RBFOX1: variants seen among roughly 807,000 people sequenced by gnomAD.
The protein encoded by RBFOX1 is RNA binding protein fox-1 homolog 1.
In RBFOX1, 8 loss-of-function variants were observed where a neutral mutation model predicts 57.7. That is an observed-to-expected ratio of 0.14 (90% CI 0.08 to 0.25). The LOEUF is 0.25. Among genes scored for constraint, RBFOX1 ranks in the 10% least tolerant of loss-of-function variants. The pLI is 1.00. For missense variants in RBFOX1, 611 were observed against 548.5 expected, an observed-to-expected ratio of 1.11 and a Z score of -1.14; for synonymous variants, 326 against 222.4, an observed-to-expected ratio of 1.47 and a Z score of -4.15.
chr16:5,288,617 G>A (rs2063457078), intron 1 of RBFOX1, among the ~76,000 whole-genome samples: 1 of 99,468 alleles, frequency 1.0e-5, no homozygotes, highest in Admixed American at 1.4e-4. Context: ...CCCACATCTT[G>A]TTTCCTTTCC....
At chr16:5,978,364 G>A (rs955613277) in intron 4 of RBFOX1, among the ~76,000 whole-genome samples, 9 of 151,952 alleles carry the variant, frequency 5.9e-5, no homozygotes, top group African/African-American at 2.2e-4. Flanking sequence ...TTTGTATTTG[G>A]GGATAATTTT....
chr16:5,416,523 AT>A (rs1468749735), intron 1 of RBFOX1, among the ~76,000 whole-genome samples: 1 of 152,196 alleles, frequency 6.6e-6, no homozygotes, highest in Non-Finnish European at 1.5e-5. Context: ...TACCTCCTTC[AT>A]TTTAAAAATG....
At chr16:6,326,478 A>G (rs2082384795) in intron 2 of RBFOX1, among the ~76,000 whole-genome samples, 2 of 152,102 alleles carry the variant, frequency 1.3e-5, no homozygotes, top group Non-Finnish European at 2.9e-5. Context: ...AGATACAAGT[A>G]CTTTCTTCTC....
At chr16:5,504,589 G>A (rs1337122547) in intron 2 of RBFOX1, among the ~76,000 whole-genome samples, 4 of 152,214 alleles carry the variant, frequency 2.6e-5, no homozygotes, top group Non-Finnish European at 5.9e-5. Flanking sequence ...TATCATCAAA[G>A]GGGAGGGCCC....
chr16:5,551,722 A>G (rs114782262), intron 2 of RBFOX1, among the ~76,000 whole-genome samples: 2,103 of 152,142 alleles, frequency 0.014, 65 homozygotes, highest in African/African-American at 0.048. Context: ...TGCCGCACCT[A>G]TGAGCCTATC....
At chr16:5,377,258 G>GT (rs2066009871) in intron 1 of RBFOX1, among the ~76,000 whole-genome samples, 2 of 151,558 alleles carry the variant, frequency 1.3e-5, no homozygotes, top group Non-Finnish European at 2.9e-5. Flanking sequence ...GCTACGAGGA[G>GT]TAGGGTAAGT....
In RBFOX1 at chr16:7,705,822, A is replaced by G. The variant is rs374801663; in HGVS notation, c.996-3234A>G. On this transcript the variant is annotated intron_variant, in intron 14 of 15. Coordinates refer to ENST00000550418, the MANE Select transcript of RBFOX1 (RefSeq NM_018723.4). ...ACTAGTGGCATATATTAGTGTAGTC[A>G]TCATGTGCATGGAGTAAAGTGGACA... Among the ~76,000 whole-genome samples, 111 of 152,266 alleles carry G rather than the reference A, an allele frequency of 7.3e-4. 1 individual carries two copies. The highest frequency in any genetic ancestry group is 3.4e-3 in the Middle Eastern group (1 of 294).
At chr16:5,724,133 G>T (rs1372175770) in intron 3 of RBFOX1, among the ~76,000 whole-genome samples, 1 of 152,198 alleles carries the variant, frequency 6.6e-6, no homozygotes, top group Admixed American at 6.5e-5. Context: ...CTGGAACTGT[G>T]CTCCTAGGTT....
At chr16:5,803,531 G>A (rs1318110791) in intron 3 of RBFOX1, among the ~76,000 whole-genome samples, 2 of 152,156 alleles carry the variant, frequency 1.3e-5, no homozygotes, top group Non-Finnish European at 2.9e-5. Flanking sequence ...GTATTAAAAT[G>A]AAATCATGAC....
intron 2 of RBFOX1, among the ~76,000 whole-genome samples, chr16:5,494,816 A>G (rs1238930765): frequency 1.3e-5 from 2 of 152,224 alleles, no homozygotes; most frequent in Non-Finnish European, 2.9e-5. Flanking sequence ...ACCCTCAGAG[A>G]TGAAAATGAT....
chr16:6,283,688 T>C (rs2076621493), intron 1 of RBFOX1, among the ~76,000 whole-genome samples: 1 of 152,216 alleles, frequency 6.6e-6, no homozygotes, highest in Non-Finnish European at 1.5e-5. Flanking sequence ...AGTTTCACGT[T>C]GGCACCCAGA....
chr16:7,370,657 G>A (rs772255973), intron 4 of RBFOX1, among the ~76,000 whole-genome samples: 2 of 152,152 alleles, frequency 1.3e-5, no homozygotes, highest in Admixed American at 6.5e-5. Flanking sequence ...GGTGCCATCC[G>A]CTATGATCTG....
chr16:7,155,741 A>ACC (rs2076981420), intron 4 of RBFOX1, among the ~76,000 whole-genome samples: 1 of 105,518 alleles, frequency 9.5e-6, no homozygotes, highest in Non-Finnish European at 1.9e-5. Flanking sequence ...ATATATATAC[A>ACC]CACACACACA....
intron 4 of RBFOX1, among the ~76,000 whole-genome samples, chr16:7,195,846 C>A (rs1254571641): frequency 6.6e-6 from 1 of 152,140 alleles, no homozygotes; most frequent in Non-Finnish European, 1.5e-5. Context: ...AACCACTGTG[C>A]CCAGCTCGAT....
intron 3 of RBFOX1, among the ~76,000 whole-genome samples, chr16:6,937,185 G>T (rs1488009638): frequency 2.0e-5 from 3 of 151,888 alleles, no homozygotes; most frequent in Non-Finnish European, 4.4e-5. Context: ...TTTTTATTCT[G>T]GAAAATTCAA....
chr16:6,895,428 G>T (rs1177522303), intron 3 of RBFOX1, among the ~76,000 whole-genome samples: 2 of 62,598 alleles, frequency 3.2e-5, no homozygotes, highest in African/African-American at 9.2e-5. Context: ...ATGTGTGTGT[G>T]TGTGTGTGTG....
rs570575155 is a variant in RBFOX1 at position 6,763,369 on chromosome 16, G to A, written c.-16+108719G>A. On this transcript the variant is annotated intron_variant, in intron 3 of 15. Coordinates refer to ENST00000550418, the MANE Select transcript of RBFOX1 (RefSeq NM_018723.4). ...ATCACCAGTGATTACTTTCCTGTTG[G>A]AGAGCCATCCATTCCATCAGTATTG... Among the ~76,000 whole-genome samples, 6 of 152,258 alleles carry A rather than the reference G, an allele frequency of 3.9e-5. No individual in the cohort carries two copies. The South Asian group carries it at 6.2e-4, about 16-fold the overall frequency.
intron 3 of RBFOX1, among the ~76,000 whole-genome samples, chr16:7,025,006 G>A (rs1246321992): frequency 6.6e-6 from 1 of 152,116 alleles, no homozygotes; most frequent in East Asian, 1.9e-4. Context: ...ACAGGCAAGG[G>A]GCTGGATCCC....
Position 7,328,697 on chromosome 16 carries a change from T to A in RBFOX1, c.28-189450T>A, listed in dbSNP as rs1010089332. The A allele has an allele frequency of 4.0e-5, 6 of 149,486 alleles. No individual in the cohort carries two copies. In the Admixed American group the frequency reaches 4.0e-4, roughly 10 times the overall value. 9.3% of individuals were successfully genotyped at this position (149,486 alleles called of 1,614,324 possible). On this transcript the variant is annotated intron_variant, in intron 4 of 15. Transcript: ENST00000550418. ...AAAGCCTGGCTAAGAAAAAGCAAAA[T>A]CCTTGATGGAAATCTCTGGCACAGG...
Sources: allele counts gnomAD v4.1 joint callset (sites outside exome capture counted in the v4.1 genomes callset), GRCh38; gene constraint gnomAD v4.1.1; transcripts MANE v1.5; gene names NCBI Gene and HGNC (gene_info 2026-07-23, HGNC 2026-07-21).